The following PALLD variants were observed in gnomAD, a reference collection of about 807,000 sequenced individuals.
PALLD encodes the protein palladin.
PALLD carries 61 observed loss-of-function variants against 123.5 expected under a neutral mutation model. The observed-to-expected ratio is 0.49, with a 90% CI of 0.40 to 0.61. PALLD has a LOEUF of 0.61. Ranked by LOEUF, PALLD falls within the 20% of genes least tolerant of loss-of-function variation. PALLD has a pLI of 0.00. For synonymous variants in PALLD, 465 were observed against 496.4 expected (o/e 0.94, Z 0.84); for missense variants, 1,273 against 1,377.0 (o/e 0.92, Z 1.20).
chr4:168,855,153 C>T (rs938819743), intron 10 of PALLD, among the ~76,000 whole-genome samples: 7 of 135,194 alleles, frequency 5.2e-5, no homozygotes, highest in African/African-American at 9.2e-5. Flanking sequence ...TGCAGTGGCG[C>T]GATCTTGGCT....
intron 2 of PALLD, among the ~76,000 whole-genome samples, chr4:168,592,897 C>T (rs1020744237): frequency 2.6e-5 from 4 of 152,036 alleles, no homozygotes; most frequent in African/African-American, 7.2e-5. Context: ...CCTGACAGAT[C>T]TGAGCTTTAA....
chr4:168,878,389 C>A lies in PALLD; in HGVS notation c.1965-12533C>A. The A allele has an allele frequency of 1.3e-6, 2 of 1,492,468 alleles. No homozygotes were observed. The highest frequency in any genetic ancestry group is 1.4e-5 in the African/African-American group (1 of 70,560). The allele number at this position is 1,492,468 out of a possible 1,614,324, so 92.5% of individuals were successfully genotyped here. A position where few individuals can be genotyped will look rare whatever the true frequency, so the allele number is the denominator to read the frequency against. ...CCCTGGGGCTGCCCAAGGGTGTCAC[C>A]CCCGCGTGAGTAACCGCCGCGGTCC... On this transcript the variant is annotated intron_variant, in intron 10 of 21. Coordinates refer to ENST00000505667, the MANE Select transcript of PALLD (RefSeq NM_001166108.2).
At chr4:168,822,826 G>T (rs1158371748) in intron 10 of PALLD, among the ~76,000 whole-genome samples, 2 of 152,192 alleles carry the variant, frequency 1.3e-5, no homozygotes, top group Non-Finnish European at 2.9e-5. Context: ...AATACTGGAG[G>T]TTGTTTTCTT....
intron 5 of PALLD, among the ~76,000 whole-genome samples, chr4:168,684,340 G>A (rs1781825034): frequency 6.6e-6 from 1 of 152,174 alleles, no homozygotes; most frequent in Admixed American, 6.6e-5. Context: ...CATGTTTATA[G>A]TTGGGAGAAT....
chr4:168,684,978 G>A (rs763037738), intron 5 of PALLD, among the ~76,000 whole-genome samples: 2 of 152,014 alleles, frequency 1.3e-5, no homozygotes, highest in Non-Finnish European at 2.9e-5. Flanking sequence ...ATTTTAGCAC[G>A]TTTCTTTTTT....
intron 10 of PALLD, among the ~76,000 whole-genome samples, chr4:168,786,307 A>G (rs1459465397): frequency 6.6e-6 from 1 of 152,132 alleles, no homozygotes; most frequent in African/African-American, 2.4e-5. Flanking sequence ...CAGCCTGGCA[A>G]CAGAGTGAGA....
intron 17 of PALLD, among the ~76,000 whole-genome samples, chr4:168,918,952 T>G (rs1340743506): frequency 1.3e-5 from 2 of 152,188 alleles, no homozygotes; most frequent in African/African-American, 4.8e-5. Context: ...GTCTTGTTTT[T>G]AGAAATGCAT....
At chr4:168,809,835 G>A (rs1208319800) in intron 10 of PALLD, among the ~76,000 whole-genome samples, 2 of 150,166 alleles carry the variant, frequency 1.3e-5, no homozygotes, top group African/African-American at 2.5e-5. Flanking sequence ...CTGCACTCCA[G>A]CCTGGGTGAC....
At chr4:168,738,232 C>T (rs1314669888) in intron 10 of PALLD, among the ~76,000 whole-genome samples, 3 of 151,942 alleles carry the variant, frequency 2.0e-5, no homozygotes, top group African/African-American at 7.3e-5. Context: ...TCGCAGAAGA[C>T]ATACACTTAG....
At chr4:168,838,732 A>G (rs117010462) in intron 10 of PALLD, among the ~76,000 whole-genome samples, 2 of 118,468 alleles carry the variant, frequency 1.7e-5, no homozygotes, top group East Asian at 4.9e-4. Context: ...TGCACTTACT[A>G]TGTGTATGGT....
intron 10 of PALLD, among the ~76,000 whole-genome samples, chr4:168,849,258 CCCTGGTG>C (rs1291547531): frequency 6.6e-6 from 1 of 152,222 alleles, no homozygotes; most frequent in Non-Finnish European, 1.5e-5. Context: ...GTCTGCACGC[CCCTGGTG>C]CAAGCACCAG....
chr4:168,601,287 G>T (rs1772620454), intron 2 of PALLD, among the ~76,000 whole-genome samples: 1 of 152,036 alleles, frequency 6.6e-6, no homozygotes, highest in African/African-American at 2.4e-5. Flanking sequence ...TGCACAAATG[G>T]CCCCCAGGTG....
chr4:168,915,571 TAATA>T (rs1759921289), intron 16 of PALLD, among the ~76,000 whole-genome samples: 2 of 152,194 alleles, frequency 1.3e-5, no homozygotes, highest in Admixed American at 1.3e-4. Context: ...AAAGATTTGG[TAATA>T]AATGAGCAAT....
intron 2 of PALLD, among the ~76,000 whole-genome samples, chr4:168,628,967 T>A (rs1404091537): frequency 1.3e-5 from 2 of 151,410 alleles, no homozygotes; most frequent in Non-Finnish European, 2.9e-5. Flanking sequence ...AGTGTATATG[T>A]ATTTAAGTGA....
At chr4:168,847,550 A>G (rs895001338) in intron 10 of PALLD, among the ~76,000 whole-genome samples, 12 of 152,262 alleles carry the variant, frequency 7.9e-5, no homozygotes, top group Non-Finnish European at 1.6e-4. Context: ...TTCTGGAAAG[A>G]TAGCACCAAG....
chr4:168,877,828 C>T (rs961972478), intron 10 of PALLD: 10 of 1,307,820 alleles, frequency 7.6e-6, no homozygotes, highest in African/African-American at 6.2e-5. Context: ...CCTCGCCCCC[C>T]TTCCCGCCGC....
At chr4:168,540,884 G>A (rs2149508276) in intron 2 of PALLD, among the ~76,000 whole-genome samples, 1 of 152,036 alleles carries the variant, frequency 6.6e-6, no homozygotes, top group East Asian at 1.9e-4. Flanking sequence ...TAGCTGTAAG[G>A]AGTTGGAGTT....
intron 10 of PALLD, among the ~76,000 whole-genome samples, chr4:168,813,231 A>T (rs2150751815): frequency 6.6e-6 from 1 of 152,190 alleles, no homozygotes; most frequent in East Asian, 1.9e-4. Context: ...TAAGGAGGAG[A>T]TTATATGATG....
At chr4:168,772,492 G>A (rs1281872913) in intron 10 of PALLD, among the ~76,000 whole-genome samples, 1 of 152,182 alleles carries the variant, frequency 6.6e-6, no homozygotes, top group Non-Finnish European at 1.5e-5. Context: ...AAACTTAAAT[G>A]ACCACAGCAA....
Sources: allele counts gnomAD v4.1 joint callset (sites outside exome capture counted in the v4.1 genomes callset), GRCh38; gene constraint gnomAD v4.1.1; transcripts MANE v1.5; gene names NCBI Gene and HGNC (gene_info 2026-07-23, HGNC 2026-07-21).